The following EPM2A variants were observed in gnomAD, a reference collection of about 807,000 sequenced individuals.
The protein encoded by EPM2A is laforin.
In EPM2A, 21 loss-of-function variants were observed where a neutral mutation model predicts 26.5. The ratio of observed to expected loss-of-function variants is 0.79; its 90% CI spans 0.56 to 1.14. The LOEUF (loss-of-function observed/expected upper bound fraction) is 1.14, where lower values mean the gene tolerates loss of function less well. Ranked by LOEUF, EPM2A falls within the 50% of genes most tolerant of loss-of-function variation. The pLI is 0.00. For synonymous variants in EPM2A, 217 were observed against 177.6 expected, an observed-to-expected ratio of 1.22 and a Z score of -1.76; for missense variants, 458 against 440.8, an observed-to-expected ratio of 1.04 and a Z score of -0.35.
rs930496669 is a variant in EPM2A, at chr6:145,384,758, G to T, written c.556-661C>A. ...GGATCCTGAATATGCATGTGGATAT[G>T]CATCCAAGTACAGATCATCACTAAC... On this transcript the variant is annotated intron_variant, in intron 4 of 4. Transcript: ENST00000638717. Among the ~76,000 whole-genome samples the T allele has an allele frequency of 7.5e-5, 11 of 147,566 alleles. 1 individual carries two copies. The highest frequency in any genetic ancestry group is 2.8e-4 in the African/African-American group (11 of 39,832).
chr6:145,639,988 GAACC>G (rs1776970438), intron 2 of EPM2A: 1 of 152,166 alleles, frequency 6.6e-6, no homozygotes, highest in Non-Finnish European at 1.5e-5. Flanking sequence ...TGACATTCTG[GAACC>G]TTATTTTCTT....
chr6:145,398,419 C>A (rs940453186), intron 4 of EPM2A, among the ~76,000 whole-genome samples: 1 of 151,936 alleles, frequency 6.6e-6, no homozygotes, highest in Non-Finnish European at 1.5e-5. Flanking sequence ...ACAGCCTTTT[C>A]TCATCTCTTT....
intron 4 of EPM2A, among the ~76,000 whole-genome samples, chr6:145,460,475 G>T (rs1779315486): frequency 6.6e-6 from 1 of 152,132 alleles, no homozygotes; most frequent in Non-Finnish European, 1.5e-5. Context: ...TAAACTGGAT[G>T]GAGGTGGGTA....
chr6:145,725,940 G>GT (rs1583134330), intron 1 of EPM2A, among the ~76,000 whole-genome samples: 1 of 151,910 alleles, frequency 6.6e-6, no homozygotes. Flanking sequence ...ATATTTCTTT[G>GT]TTTTGCCAGC....
chr6:145,733,412 T>C (rs756057272), intron 1 of EPM2A, among the ~76,000 whole-genome samples: 31 of 152,120 alleles, frequency 2.0e-4, no homozygotes, highest in Non-Finnish European at 4.1e-4. Context: ...GGTGTCAATA[T>C]CTATTGCCTA....
chr6:145,518,944 GA>G (rs1780168049), intron 2 of EPM2A, among the ~76,000 whole-genome samples: 5 of 46,034 alleles, frequency 1.1e-4, no homozygotes, highest in Non-Finnish European at 2.0e-4. Context: ...GAGAAGCAGT[GA>G]GAGAGAAAGA....
chr6:145,521,006 G>A (rs186273261), intron 2 of EPM2A, among the ~76,000 whole-genome samples: 1 of 152,326 alleles, frequency 6.6e-6, no homozygotes, highest in Admixed American at 6.5e-5. Flanking sequence ...TGATGGAAAT[G>A]ATTGATCAGA....
Position 145,465,728 on chromosome 6 carries a change from G to A in EPM2A, c.555+36794C>T, listed in dbSNP as rs370729800. 1.6e-3 allele frequency among the ~76,000 whole-genome samples: 246 copies of A among 152,118 alleles called. 2 individuals carry two copies. Among genetic ancestry groups the A allele is most frequent in the African/African-American group, 5.5e-3 (228 of 41,494 alleles). On this transcript the variant is annotated intron_variant, in intron 4 of 4. Coordinates refer to the EPM2A transcript ENST00000638717. ...TGCAGGTCTGTTGGAGTACCCGGCC[G>A]TGTGAGGTGTCAGTCAAGGCTACAG...
At chr6:145,711,815 A>T (rs1161806512) in intron 1 of EPM2A, among the ~76,000 whole-genome samples, 1 of 152,210 alleles carries the variant, frequency 6.6e-6, no homozygotes, top group Non-Finnish European at 1.5e-5. Flanking sequence ...TCAAAAAAAA[A>T]TTTCCAGTGG....
chr6:145,704,219 T>C lies in EPM2A; in HGVS notation c.302-17923A>G, dbSNP rs9390346. 1.2e-4 allele frequency among the ~76,000 whole-genome samples: 18 copies of C among 152,306 alleles called. No homozygotes were observed. In the East Asian group the frequency reaches 3.3e-3, roughly 28 times the overall value. The stretch of plus-strand genomic sequence containing the variant: ...TTTAAATGAATGGTAGTGGTTTATC[T>C]GAATTCTTTGAGAGAAAGGGAGTGC... On this transcript the variant is annotated intron_variant, in intron 1 of 3. Coordinates refer to ENST00000367519, the MANE Select transcript of EPM2A (RefSeq NM_005670.4).
At chr6:145,670,960 C>A in intron 2 of EPM2A, 3 of 984,486 alleles carry the variant, frequency 3.0e-6, no homozygotes, top group Non-Finnish European at 3.6e-6. Context: ...TCCTTTCCTA[C>A]TGATATGAAC....
downstream of EPM2A, among the ~76,000 whole-genome samples, chr6:145,622,229 C>T (rs1050621862): frequency 1.3e-5 from 2 of 152,052 alleles, no homozygotes; most frequent in African/African-American, 2.4e-5. Flanking sequence ...ATTTGAATGG[C>T]CCCAGTTTTC....
At chr6:145,399,152 T>C (rs1483416348) in intron 4 of EPM2A, among the ~76,000 whole-genome samples, 1 of 152,210 alleles carries the variant, frequency 6.6e-6, no homozygotes, top group Non-Finnish European at 1.5e-5. Flanking sequence ...CAATGTCATG[T>C]AAATGGATTT....
intron 4 of EPM2A, among the ~76,000 whole-genome samples, chr6:145,389,604 A>G (rs1778310983): frequency 6.6e-6 from 1 of 152,210 alleles, no homozygotes; most frequent in African/African-American, 2.4e-5. Context: ...ATTTATTTTC[A>G]TACTGCAAGT....
chr6:145,625,851 T>A lies in EPM2A; in HGVS notation c.*1565A>T. The A allele has an allele frequency of 6.5e-7, 1 of 1,539,578 alleles. No individual in the cohort carries two copies. Among genetic ancestry groups the A allele is most frequent in the Non-Finnish European group, 8.8e-7 (1 of 1,141,562 alleles). The stretch of plus-strand genomic sequence containing the variant: ...GCCTTCTAAATAAGAGTCTCTTGCA[T>A]CTATCAATATGTGTTTGTGGAAGAA... On this transcript the variant is annotated 3_prime_UTR_variant, in exon 4 of 4. Transcript: ENST00000367519.
chr6:145,547,536 A>G (rs139630060), intron 2 of EPM2A, among the ~76,000 whole-genome samples: 19 of 152,276 alleles, frequency 1.2e-4, no homozygotes, highest in Admixed American at 2.6e-4. Context: ...ACATTCTACA[A>G]GAAAAACAAC....
chr6:145,401,278 G>A (rs1778482442), intron 4 of EPM2A, among the ~76,000 whole-genome samples: 1 of 152,000 alleles, frequency 6.6e-6, no homozygotes, highest in Non-Finnish European at 1.5e-5. Context: ...ATGCATATTT[G>A]TACCCATCTT....
intron 3 of EPM2A, chr6:145,628,834 G>A (rs1776028105): frequency 6.6e-6 from 1 of 152,276 alleles, no homozygotes; most frequent in Admixed American, 6.5e-5. Flanking sequence ...CCACTCCCAT[G>A]TTTAGACTTC....
chr6:145,522,045 C>A (rs1427528484), intron 2 of EPM2A, among the ~76,000 whole-genome samples: 1 of 152,134 alleles, frequency 6.6e-6, no homozygotes. Context: ...CTCCACCTCC[C>A]GGGTTCACGC....
Sources: gnomAD v4.1 joint callset for allele counts (sites outside exome capture counted in the v4.1 genomes callset) on GRCh38, gnomAD v4.1.1 for gene constraint, MANE v1.5 for transcripts, NCBI Gene and HGNC (gene_info 2026-07-23, HGNC 2026-07-21) for gene names.